Variants in EDNRB observed in about 807,000 individuals in gnomAD.
The protein encoded by EDNRB is Hirschsprung disease 2.
Under a neutral mutation model 46.4 loss-of-function variants are expected in EDNRB, and 18 were observed. The observed-to-expected ratio is 0.39, with a 90% CI of 0.27 to 0.57. EDNRB has a LOEUF of 0.57. Among genes scored for constraint, EDNRB ranks in the 20% least tolerant of loss-of-function variants. The probability of loss-of-function intolerance (pLI) is 0.61; values close to 1 mark genes in which losing one functional copy is unlikely to be tolerated. For missense variants in EDNRB, 434 were observed against 537.5 expected, an observed-to-expected ratio of 0.81 and a Z score of 1.90; for synonymous variants, 213 against 204.9, an observed-to-expected ratio of 1.04 and a Z score of -0.34.
At chr13:77,919,261 C>T, upstream of EDNRB, 1 of 950,116 alleles carries the variant, frequency 1.1e-6, no homozygotes, top group Non-Finnish European at 1.5e-6. Context: ...CTTCCTTTAC[C>T]CAACCTAATT....
At chr13:77,920,369 A>G (rs1010520365), upstream of EDNRB, among the ~76,000 whole-genome samples, 2 of 152,238 alleles carry the variant, frequency 1.3e-5, no homozygotes, top group Non-Finnish European at 2.9e-5. Context: ...AGAGGTCAGG[A>G]AGTCAGGCTT....
intron 4 of EDNRB, 98 bp from the exon 5 acceptor site, chr13:77,900,752 A>T (rs1439679551): frequency 6.5e-7 from 1 of 1,545,268 alleles, no homozygotes; most frequent in African/African-American, 1.4e-5. Context: ...ACAAAAAGTC[A>T]GTGGCATATG....
intron 1 of EDNRB, chr13:77,939,727 G>C (rs1243181172): frequency 8.5e-5 from 13 of 152,296 alleles, no homozygotes; most frequent in Non-Finnish European, 4.4e-5. Flanking sequence ...GCTGGGCGCA[G>C]TGGCTCATGC....
chr13:77,931,760 A>C (rs12872030), intron 1 of EDNRB, among the ~76,000 whole-genome samples: 11,399 of 119,972 alleles, frequency 0.095, 444 homozygotes, highest in Non-Finnish European at 0.13. Flanking sequence ...AAAAAAAAAA[A>C]CAAAAAAAAA....
At chr13:77,934,801 C>A (rs1880512040) in intron 1 of EDNRB, among the ~76,000 whole-genome samples, 1 of 152,018 alleles carries the variant, frequency 6.6e-6, no homozygotes, top group African/African-American at 2.4e-5. Flanking sequence ...AAGAGGCAGG[C>A]TGGTGGCTTG....
At chr13:77,958,344 T>TTTTA (rs147945804) in intron 1 of EDNRB, among the ~76,000 whole-genome samples, 4,042 of 145,606 alleles carry the variant, frequency 0.028, 70 homozygotes, top group African/African-American at 0.033. Context: ...TCCCAGGTTA[T>TTTTA]TTTATTTATT....
intron 1 of EDNRB, among the ~76,000 whole-genome samples, chr13:77,941,650 A>G (rs554549870): frequency 1.3e-5 from 2 of 152,182 alleles, no homozygotes; most frequent in African/African-American, 4.8e-5. Context: ...GAAAGGTGGA[A>G]CAGAACGATG....
intron 1 of EDNRB, among the ~76,000 whole-genome samples, chr13:77,914,532 G>A (rs534087155): frequency 2.0e-5 from 3 of 152,200 alleles, no homozygotes; most frequent in Non-Finnish European, 4.4e-5. Flanking sequence ...GTGTGCCTAT[G>A]AGAAGCGTAA....
rs149084133 is a variant in EDNRB at position 77,904,228 on chromosome 13, C to T, written c.484-621G>A. 3.4e-4 allele frequency among the ~76,000 whole-genome samples: 52 copies of T among 152,058 alleles called. 1 individual carries two copies. Among genetic ancestry groups the T allele is most frequent in the Non-Finnish European group, 4.7e-4 (32 of 67,916 alleles). On this transcript the variant is annotated intron_variant, in intron 1 of 6. Transcript: ENST00000646607. ...TCCCCACAGATTCACCTGGTTAACT[C>T]GCTTATCTCCTTCAGGTCTTACTCA...
chr13:77,973,003 G>A (rs1008905060), intron 1 of EDNRB, among the ~76,000 whole-genome samples: 4 of 152,226 alleles, frequency 2.6e-5, no homozygotes, highest in African/African-American at 9.6e-5. Context: ...ACCTTTTGAT[G>A]AGAACGTGAT....
At position 77,895,944 on chromosome 13, in the gene EDNRB, A is replaced by G. The variant is rs202041440; in HGVS notation, c.*2256T>C. On this transcript the variant is annotated 3_prime_UTR_variant, in exon 7 of 7. Transcript: ENST00000646607. ...TTGAGCTGTAACATCCATGTTAACA[A>G]TAATTTTGTCTGTTGCTATATTAAA... 2 of 152,526 alleles carry G rather than the reference A, an allele frequency of 1.3e-5. No individual in the cohort carries two copies. Among genetic ancestry groups the G allele is most frequent in the Non-Finnish European group, 2.9e-5 (2 of 68,342 alleles). 9.4% of individuals were successfully genotyped at this position (152,526 alleles called of 1,614,324 possible). A position where few individuals can be genotyped will look rare whatever the true frequency, so the allele number is the denominator to read the frequency against.
intron 4 of EDNRB, 99 bp downstream of exon 4, chr13:77,900,959 G>T (rs1878940891): frequency 1.4e-6 from 2 of 1,403,726 alleles, no homozygotes; most frequent in Admixed American, 3.6e-5. Flanking sequence ...AATATGCTCT[G>T]GTATATAATA....
chr13:77,947,758 A>T (rs1052954096), intron 1 of EDNRB: 2 of 150,806 alleles, frequency 1.3e-5, no homozygotes, highest in African/African-American at 4.9e-5. Flanking sequence ...ATATGTGCGT[A>T]CCACCACACC....
chr13:77,968,673 T>A (rs1881645337), intron 1 of EDNRB, among the ~76,000 whole-genome samples: 1 of 151,990 alleles, frequency 6.6e-6, no homozygotes, highest in Admixed American at 6.6e-5. Flanking sequence ...GGATGAGGGG[T>A]AGGTAACAAC....
chr13:77,943,315 G>A (rs1235875996), intron 1 of EDNRB, among the ~76,000 whole-genome samples: 1 of 152,090 alleles, frequency 6.6e-6, no homozygotes, highest in South Asian at 2.1e-4. Flanking sequence ...TGAAACCCAT[G>A]ACATTAAAGA....
At chr13:77,956,174 T>C (rs1881233700) in intron 1 of EDNRB, among the ~76,000 whole-genome samples, 1 of 152,188 alleles carries the variant, frequency 6.6e-6, no homozygotes, top group Admixed American at 6.5e-5. Flanking sequence ...TGTCTTTCCA[T>C]TTATTTGTGT....
rs758238086 is a variant in EDNRB at position 77,896,425 on chromosome 13, T to G, written c.*1775A>C. 1 of 1,547,656 alleles carries G rather than the reference T, an allele frequency of 6.5e-7. No homozygotes were observed. The highest frequency in any genetic ancestry group is 2.0e-5 in the Admixed American group (1 of 50,390). On this transcript the variant is annotated 3_prime_UTR_variant, in exon 7 of 7. Transcript: ENST00000646607. ...GTTTGTGGGTGATTTATAAATAGAA[T>G]CCATATGGTGTGTGAATTAATTATT...
intron 1 of EDNRB, among the ~76,000 whole-genome samples, chr13:77,934,061 T>G (rs1394871033): frequency 6.6e-6 from 1 of 152,302 alleles, no homozygotes; most frequent in East Asian, 1.9e-4. Flanking sequence ...AGTGGCGGTT[T>G]GGGGTTAGCA....
intron 1 of EDNRB, among the ~76,000 whole-genome samples, chr13:77,914,879 T>C (rs1459078836): frequency 4.6e-5 from 7 of 152,194 alleles, no homozygotes; most frequent in African/African-American, 1.7e-4. Context: ...TCTATATTCA[T>C]TAAACTCTAG....
Sources: gnomAD v4.1 joint callset for allele counts (sites outside exome capture counted in the v4.1 genomes callset) on GRCh38, gnomAD v4.1.1 for gene constraint, MANE v1.5 for transcripts, NCBI Gene and HGNC (gene_info 2026-07-23, HGNC 2026-07-21) for gene names.